PJA2: variants seen among roughly 807,000 people sequenced by gnomAD.
PJA2 encodes the protein praja ring finger ubiquitin ligase 2, also known as E3 ubiquitin-protein ligase Praja-2.
A neutral mutation model predicts 69.3 loss-of-function variants in PJA2; 25 were observed. The observed-to-expected ratio is 0.36, with a 90% CI of 0.26 to 0.50. The LOEUF (loss-of-function observed/expected upper bound fraction) is 0.50. Ranked by LOEUF, PJA2 falls within the 20% of genes least tolerant of loss-of-function variation. PJA2 has a pLI of 0.96. For missense variants in PJA2, 809 were observed against 830.2 expected (o/e 0.97, Z 0.31); for synonymous variants, 308 against 277.8 (o/e 1.11, Z -1.08).
At position 109,337,294 on chromosome 5, in the gene PJA2, A is replaced by G; in HGVS notation, c.2064T>C (p.Ala688=). ...FPPAVIEASA[A]PSSEPDPDAP... ...CATCAGGATCAGGCTCAGAGGAAGGAGCTGCAGATGCTTCAATAACCGCAG... is the reference window on the plus strand; with the variant it reads ...CATCAGGATCAGGCTCAGAGGAAGGGGCTGCAGATGCTTCAATAACCGCAG... The change falls in exon 10 of 10, where the codon GCT becomes GCC. Residue 688 remains alanine, a synonymous_variant. Coordinates refer to ENST00000361189, the MANE Select transcript of PJA2 (RefSeq NM_014819.5). 1 of 1,613,714 alleles carries G rather than the reference A, an allele frequency of 6.2e-7. No individual in the cohort carries two copies. The highest frequency in any genetic ancestry group is 8.5e-7 in the Non-Finnish European group (1 of 1,179,878).
rs1761954982 is a variant in PJA2, at chr5:109,336,970, CTGA to C, written c.*258_*260del. The stretch of plus-strand genomic sequence containing the variant: ...GATTATTTATTCTGGAGAGAGTCAA[CTGA>C]TAAGCTTGGCTTTACAATTAATACA... On this transcript the variant is annotated 3_prime_UTR_variant, in exon 10 of 10. Transcript: ENST00000361189. 4.9e-6 allele frequency: 1 copy of C among 203,934 alleles called. No homozygotes were observed. The allele number at this position is 203,934 out of a possible 1,614,324, so 12.6% of individuals were successfully genotyped here. A position where few individuals can be genotyped will look rare whatever the true frequency, so the allele number is the denominator to read the frequency against.
At chr5:109,408,565 A>G (rs958292986) in intron 1 of PJA2, among the ~76,000 whole-genome samples, 4 of 152,174 alleles carry the variant, frequency 2.6e-5, no homozygotes, top group Non-Finnish European at 5.9e-5. Flanking sequence ...GTGTACTTGT[A>G]TGTGTCTAGA....
At chr5:109,407,413 C>T (rs1433966373) in intron 1 of PJA2, among the ~76,000 whole-genome samples, 2 of 152,096 alleles carry the variant, frequency 1.3e-5, no homozygotes, top group African/African-American at 2.4e-5. Flanking sequence ...TTAATATCAG[C>T]GGCTTTACCA....
intron 6 of PJA2, among the ~76,000 whole-genome samples, chr5:109,361,836 G>A (rs1762511438): frequency 1.3e-5 from 2 of 152,212 alleles, no homozygotes; most frequent in Admixed American, 6.5e-5. Flanking sequence ...CCCCCTTGGG[G>A]AGTAAGAATA....
rs776397934 is a variant in PJA2 at position 109,362,828 on chromosome 5, C to T, written c.1652+12G>A. ...GCCTAATTAAGCATCCTAATAAAAT[C>T]GTGCTACATACCTCCAATCCACATC... On this transcript the variant is annotated intron_variant, in intron 6 of 9. Transcript: ENST00000361189. 7 of 1,559,074 alleles carry T rather than the reference C, an allele frequency of 4.5e-6. No individual in the cohort carries two copies. Among genetic ancestry groups the T allele is most frequent in the Admixed American group, 1.7e-5 (1 of 57,458 alleles).
At chr5:109,354,467 A>G (rs1366392829) in intron 7 of PJA2, among the ~76,000 whole-genome samples, 1 of 95,928 alleles carries the variant, frequency 1.0e-5, no homozygotes, top group African/African-American at 3.4e-5. Context: ...TATGATATCT[A>G]GAGATATCTA....
At chr5:109,363,594 G>A (rs752790531) in intron 5 of PJA2, among the ~76,000 whole-genome samples, 5 of 152,168 alleles carry the variant, frequency 3.3e-5, no homozygotes, top group Non-Finnish European at 7.3e-5. Context: ...TCTTCTTGAT[G>A]TTCATGTCAG....
intron 7 of PJA2, among the ~76,000 whole-genome samples, chr5:109,347,024 T>G (rs946277264): frequency 6.6e-6 from 1 of 152,184 alleles, no homozygotes; most frequent in Non-Finnish European, 1.5e-5. Context: ...TGAGATGACT[T>G]ATAATAGGGA....
At chr5:109,354,450 A>C (rs182908876) in intron 7 of PJA2, among the ~76,000 whole-genome samples, 1,307 of 119,814 alleles carry the variant, frequency 0.011, 122 homozygotes, top group Non-Finnish European at 0.014. Context: ...TCTATAGATT[A>C]GATATCTATG....
chr5:109,360,955 C>A lies in PJA2; in HGVS notation c.1652+1885G>T, dbSNP rs138964368. Among the ~76,000 whole-genome samples, 6 of 152,206 alleles carry A rather than the reference C, an allele frequency of 3.9e-5. 1 individual carries two copies. In the East Asian group the frequency reaches 1.2e-3, roughly 29 times the overall value. On this transcript the variant is annotated intron_variant, in intron 6 of 9. Transcript: ENST00000361189. ...CCAGCCCGGGCAACATGGTGAAACC[C>A]TGTCTGTACTGAAAATACACAAATT...
In PJA2 at chr5:109,378,193, T is replaced by A; in HGVS notation, c.1283+11A>T. The stretch of plus-strand genomic sequence containing the variant: ...CTACACAATCGGAAAAAGTACTGGA[T>A]GTGACCTTACCTATCTTCATCTTTG... On this transcript the variant is annotated intron_variant, in intron 4 of 9. Transcript: ENST00000361189. 6.3e-7 allele frequency: 1 copy of A among 1,593,194 alleles called. No individual in the cohort carries two copies.
intron 4 of PJA2, among the ~76,000 whole-genome samples, chr5:109,376,055 A>G (rs563880343): frequency 6.6e-6 from 1 of 152,318 alleles, no homozygotes; most frequent in Admixed American, 6.5e-5. Flanking sequence ...ATTATCCTTT[A>G]GAATTTATTC....
chr5:109,381,211 A>G (rs1747039728), intron 3 of PJA2, among the ~76,000 whole-genome samples: 1 of 152,156 alleles, frequency 6.6e-6, no homozygotes, highest in Non-Finnish European at 1.5e-5. Context: ...TTCAAAATAT[A>G]TCTTTTTGAT....
chr5:109,368,631 T>G lies in PJA2; in HGVS notation c.1399A>C (p.Asn467His). Reference sequence around the variant, plus strand: ...CTATCACTTTGTAGCTCAGGTTCATTCTCATCTTTTCCTGGCAGAGTCTCC... The same window carrying G: ...CTATCACTTTGTAGCTCAGGTTCATGCTCATCTTTTCCTGGCAGAGTCTCC... ...SWETLPGKDE[N>H]EPELQSDSSG... is the part of the protein sequence containing the mutation. Residue 467 changes from asparagine (N) to histidine (H), a missense_variant, in exon 5 of 10, where the codon AAT (asparagine) becomes CAT (histidine). Physicochemically the swap from Asn to His is moderately conservative, Grantham distance 68. Around this residue, in one of 4 missense-constraint regions of PJA2, gnomAD observed 700 missense variants for 639.5 expected, o/e 1.09. Coordinates refer to ENST00000361189, the MANE Select transcript of PJA2 (RefSeq NM_014819.5). 1 of 1,614,168 alleles carries G rather than the reference T, an allele frequency of 6.2e-7. No individual in the cohort carries two copies. Among genetic ancestry groups the G allele is most frequent in the Non-Finnish European group, 8.5e-7 (1 of 1,180,018 alleles).
chr5:109,344,580 T>A (rs1316214603), intron 8 of PJA2, 125 bp downstream of exon 8: 16 of 711,206 alleles, frequency 2.2e-5, no homozygotes, highest in Non-Finnish European at 3.6e-5. Flanking sequence ...TGTGAGCATC[T>A]GGTTTCTATA....
intron 4 of PJA2, among the ~76,000 whole-genome samples, chr5:109,377,510 T>C (rs1308021584): frequency 1.3e-5 from 2 of 152,162 alleles, no homozygotes; most frequent in Non-Finnish European, 2.9e-5. Context: ...ATGCTTATTA[T>C]AAGTTTTATG....
intron 1 of PJA2, among the ~76,000 whole-genome samples, chr5:109,398,935 G>A (rs982787791): frequency 6.6e-6 from 1 of 152,056 alleles, no homozygotes; most frequent in African/African-American, 2.4e-5. Flanking sequence ...AAATGGGGCC[G>A]GGTGCAGGGC....
chr5:109,362,063 GA>G (rs1762514680), intron 6 of PJA2, among the ~76,000 whole-genome samples: 1 of 152,022 alleles, frequency 6.6e-6, no homozygotes, highest in Non-Finnish European at 1.5e-5. Flanking sequence ...ATTTTAACTG[GA>G]AAAACAACAC....
intron 8 of PJA2, among the ~76,000 whole-genome samples, 186 bp downstream of exon 8, chr5:109,344,519 T>C (rs1385648647): frequency 6.6e-6 from 1 of 152,224 alleles, no homozygotes; most frequent in African/African-American, 2.4e-5. Flanking sequence ...GGAACATTTG[T>C]CTCAGCCTAT....
Sources: gnomAD v4.1 joint callset for allele counts (sites outside exome capture counted in the v4.1 genomes callset) on GRCh38, gnomAD v4.1.1 for gene constraint, gnomAD v4.1.1 regional missense constraint, MANE v1.5 for transcripts, NCBI Gene and HGNC (gene_info 2026-07-23, HGNC 2026-07-21) for gene names.